Variants in NOCT observed in about 807,000 individuals in gnomAD.
The protein encoded by NOCT is CCR4 carbon catabolite repression 4-like.
A neutral mutation model predicts 35.0 loss-of-function variants in NOCT; 18 were observed. That is an observed-to-expected ratio of 0.51 (90% CI 0.36 to 0.76). The LOEUF (loss-of-function observed/expected upper bound fraction) is 0.76. Among genes scored for constraint, NOCT ranks in the 30% least tolerant of loss-of-function variants. The pLI is 0.01. For missense variants in NOCT, 479 were observed against 541.0 expected, an observed-to-expected ratio of 0.89 and a Z score of 1.14; for synonymous variants, 235 against 226.3, an observed-to-expected ratio of 1.04 and a Z score of -0.34.
chr4:139,041,761 G>C (rs1726835326), intron 1 of NOCT, among the ~76,000 whole-genome samples: 1 of 152,176 alleles, frequency 6.6e-6, no homozygotes, highest in African/African-American at 2.4e-5. Flanking sequence ...AACAAAATCA[G>C]CTTACTCTAA....
intron 1 of NOCT, among the ~76,000 whole-genome samples, chr4:139,042,172 A>G (rs751358370): frequency 2.7e-5 from 4 of 148,908 alleles, no homozygotes; most frequent in Non-Finnish European, 5.9e-5. Flanking sequence ...GGTTCAAGCA[A>G]TTCGCCTGCC....
chr4:139,042,998 G>C, intron 1 of NOCT, 76 bp from the exon 2 acceptor site: 4 of 1,360,928 alleles, frequency 2.9e-6, no homozygotes, highest in Non-Finnish European at 4.0e-6. Context: ...GACAGTAAAT[G>C]TTTATCTTAC....
Position 139,016,177 on chromosome 4 carries a change from T to C in NOCT, c.190+6T>C. 4 of 1,243,158 alleles carry C rather than the reference T, an allele frequency of 3.2e-6. No homozygotes were observed. Among genetic ancestry groups the C allele is most frequent in the African/African-American group, 1.6e-5 (1 of 64,130 alleles). The allele number at this position is 1,243,158 out of a possible 1,614,324, so 77.0% of individuals were successfully genotyped here. A position where few individuals can be genotyped will look rare whatever the true frequency, so the allele number is the denominator to read the frequency against. Reference sequence around the variant, plus strand: ...GAGGTCGTGTTCCCGAACAGGTGAGTGCACCCCAGTTCCGGGCGGAGAACG... The same window carrying C: ...GAGGTCGTGTTCCCGAACAGGTGAGCGCACCCCAGTTCCGGGCGGAGAACG... On this transcript the variant is annotated splice_donor_region_variant and intron_variant, in intron 1 of 2. Coordinates refer to ENST00000280614, the MANE Select transcript of NOCT (RefSeq NM_012118.4).
intron 1 of NOCT, among the ~76,000 whole-genome samples, chr4:139,021,612 C>G (rs1037672785): frequency 1.3e-5 from 2 of 152,012 alleles, no homozygotes; most frequent in African/African-American, 4.8e-5. Flanking sequence ...TGTAGTCACT[C>G]TAAGTCACAA....
At chr4:139,025,396 C>T (rs1429769958) in intron 1 of NOCT, among the ~76,000 whole-genome samples, 1 of 152,200 alleles carries the variant, frequency 6.6e-6, no homozygotes, top group Admixed American at 6.5e-5. Context: ...ACTGCCCTTT[C>T]CTTCTGGTTT....
intron 2 of NOCT, chr4:139,043,592 A>C (rs558536460): frequency 2.1e-4 from 91 of 428,516 alleles, no homozygotes; most frequent in Non-Finnish European, 2.5e-5. Flanking sequence ...TGGAAGGTGT[A>C]AAGAATAAAC....
At chr4:139,038,344 C>T (rs1357898387) in intron 1 of NOCT, among the ~76,000 whole-genome samples, 1 of 152,250 alleles carries the variant, frequency 6.6e-6, no homozygotes, top group Middle Eastern at 3.4e-3. Context: ...TATCCTGCAT[C>T]TCAAAAGCTT....
chr4:139,042,868 T>G (rs1726859836), intron 1 of NOCT, among the ~76,000 whole-genome samples: 1 of 150,756 alleles, frequency 6.6e-6, no homozygotes, highest in South Asian at 2.1e-4. Flanking sequence ...GAGCCGAGAT[T>G]GTGCCATTGC....
intron 1 of NOCT, among the ~76,000 whole-genome samples, chr4:139,035,951 G>T (rs1047864031): frequency 6.6e-6 from 1 of 152,010 alleles, no homozygotes; most frequent in African/African-American, 2.4e-5. Flanking sequence ...ACCACCTCCC[G>T]GTCTCTGCTC....
intron 1 of NOCT, among the ~76,000 whole-genome samples, chr4:139,022,580 G>A (rs1192949636): frequency 2.6e-5 from 4 of 152,206 alleles, no homozygotes; most frequent in South Asian, 4.1e-4. Flanking sequence ...CAACACAGGC[G>A]GACACCTGTG....
chr4:139,030,151 C>T (rs1374673178), intron 1 of NOCT, among the ~76,000 whole-genome samples: 4 of 152,126 alleles, frequency 2.6e-5, no homozygotes, highest in African/African-American at 9.7e-5. Flanking sequence ...AGTGCTGAGA[C>T]TACAGGCGTG....
intron 1 of NOCT, among the ~76,000 whole-genome samples, chr4:139,021,601 A>T (rs1726415304): frequency 6.6e-6 from 1 of 152,144 alleles, no homozygotes; most frequent in Non-Finnish European, 1.5e-5. Flanking sequence ...GAGTGTATCC[A>T]TGTAGTCACT....
At chr4:139,016,863 C>T (rs1361645318) in intron 1 of NOCT, among the ~76,000 whole-genome samples, 2 of 151,806 alleles carry the variant, frequency 1.3e-5, no homozygotes, top group Non-Finnish European at 2.9e-5. Flanking sequence ...CCATTTTGGC[C>T]AGGCTGGTCT....
intron 1 of NOCT, among the ~76,000 whole-genome samples, chr4:139,016,492 T>C (rs1726306345): frequency 6.6e-6 from 1 of 152,074 alleles, no homozygotes; most frequent in Non-Finnish European, 1.5e-5. Context: ...AGTTACTATG[T>C]TGGTTACATT....
Position 139,040,109 on chromosome 4 carries a change from C to T in NOCT, c.191-2965C>T, listed in dbSNP as rs539934480. 1.8e-3 allele frequency among the ~76,000 whole-genome samples: 268 copies of T among 147,894 alleles called. 1 individual carries two copies. Among genetic ancestry groups the T allele is most frequent in the African/African-American group, 6.1e-3 (245 of 40,078 alleles). On this transcript the variant is annotated intron_variant, in intron 1 of 2. Coordinates refer to ENST00000280614, the MANE Select transcript of NOCT (RefSeq NM_012118.4). ...AGGCTGGAGTGCAGTGGCGCGATCT[C>T]GGCTCACTGCAAGCTCCGCCTCCCG...
At chr4:139,025,970 C>T (rs1726505828) in intron 1 of NOCT, among the ~76,000 whole-genome samples, 1 of 152,136 alleles carries the variant, frequency 6.6e-6, no homozygotes, top group Admixed American at 6.5e-5. Context: ...TCAAGCAATG[C>T]ACTGGGAATT....
At chr4:139,016,713 G>A (rs950759210) in intron 1 of NOCT, among the ~76,000 whole-genome samples, 1 of 125,346 alleles carries the variant, frequency 8.0e-6, no homozygotes, top group Non-Finnish European at 1.6e-5. Flanking sequence ...GAGTCCAGTG[G>A]CACGATATCG....
chr4:139,034,263 A>G (rs1726684088), intron 1 of NOCT, among the ~76,000 whole-genome samples: 1 of 151,942 alleles, frequency 6.6e-6, no homozygotes, highest in South Asian at 2.1e-4. Context: ...GATGAGAGCC[A>G]TGCCCTCATG....
chr4:139,044,001 T>TATATATATATATATATAC (rs1006546641), intron 2 of NOCT: 9 of 148,440 alleles, frequency 6.1e-5, no homozygotes, highest in African/African-American at 2.2e-4. Flanking sequence ...TATATATATA[T>TATATATATATATATATAC]ATACACTTTG....
Sources: allele counts gnomAD v4.1 joint callset (sites outside exome capture counted in the v4.1 genomes callset), GRCh38; gene constraint gnomAD v4.1.1; transcripts MANE v1.5; gene names NCBI Gene and HGNC (gene_info 2026-07-23, HGNC 2026-07-21).